Variants in RECK observed in about 807,000 individuals in gnomAD.
RECK encodes the protein reversion inducing cysteine rich protein with kazal motifs, also known as reversion-inducing cysteine-rich protein with Kazal motifs.
Under a neutral mutation model 115.1 loss-of-function variants are expected in RECK, and 69 were observed. The observed-to-expected ratio is 0.60, with a 90% CI of 0.49 to 0.73. The LOEUF (loss-of-function observed/expected upper bound fraction) is 0.73, where lower values mean the gene tolerates loss of function less well. RECK is among the 30% of genes least tolerant of loss of function. The pLI is 0.00. For missense variants in RECK, 1,047 were observed against 1,203.7 expected (o/e 0.87, Z 1.93); for synonymous variants, 414 against 419.7 (o/e 0.99, Z 0.17).
chr9:36,105,269 A>G lies in RECK; in HGVS notation c.1562A>G (p.Tyr521Cys). 1 of 1,614,028 alleles carries G rather than the reference A, an allele frequency of 6.2e-7. No individual in the cohort carries two copies. The highest frequency in any genetic ancestry group is 8.5e-7 in the Non-Finnish European group (1 of 1,179,942). Residue 521 changes from tyrosine (Y) to cysteine (C), a missense_variant, in exon 13 of 21, where the codon TAC becomes TGC. Coordinates refer to ENST00000377966, the MANE Select transcript of RECK (RefSeq NM_021111.3). ...CCATCTGGAGATCCCTGTCTTCCAT[A>G]CTTTTGTGTTCAAGGTAAGAGGTAG... ...GCPSGDPCLPYFCVQGCKLGE... is the reference protein window; with the variant it reads ...GCPSGDPCLPCFCVQGCKLGE...
At chr9:36,077,961 T>C (rs912160377) in intron 6 of RECK, among the ~76,000 whole-genome samples, 7 of 152,118 alleles carry the variant, frequency 4.6e-5, no homozygotes, top group Non-Finnish European at 8.8e-5. Flanking sequence ...TAGTCGCAGG[T>C]ACTTGGGAGG....
At chr9:36,051,219 A>G (rs1418532560) in intron 1 of RECK, among the ~76,000 whole-genome samples, 1 of 152,142 alleles carries the variant, frequency 6.6e-6, no homozygotes. Context: ...ACTTGGTTTT[A>G]TCCCCTTTGG....
intron 2 of RECK, among the ~76,000 whole-genome samples, chr9:36,053,456 C>T (rs1171943142): frequency 1.3e-5 from 2 of 152,134 alleles, no homozygotes; most frequent in East Asian, 1.9e-4. Context: ...TTGCAAGATA[C>T]GGTCTGATTA....
intron 14 of RECK, among the ~76,000 whole-genome samples, chr9:36,108,556 C>T (rs1823908619): frequency 6.6e-6 from 1 of 152,138 alleles, no homozygotes; most frequent in African/African-American, 2.4e-5. Flanking sequence ...AAGCTGGATT[C>T]TGCTCCAGGT....
At position 36,048,126 on chromosome 9, in the gene RECK, A is replaced by AATATATATATATATATATAC. The variant is rs1821140886; in HGVS notation, c.101-4120_101-4119insCATATATATATATATATATA. ...TACACACGCACAGACACACAGGTTG[A>AATATATATATATATATATAC]ATATATATATATATATATATATATA... On this transcript the variant is annotated intron_variant, in intron 1 of 20. Coordinates refer to ENST00000377966, the MANE Select transcript of RECK (RefSeq NM_021111.3). 6.9e-5 allele frequency among the ~76,000 whole-genome samples: 8 copies of AATATATATATATATATATAC among 115,376 alleles called. 1 individual carries two copies. Among genetic ancestry groups the AATATATATATATATATATAC allele is most frequent in the African/African-American group, 3.5e-4 (8 of 23,020 alleles). 75.7% of individuals were successfully genotyped at this position (115,376 alleles called of 152,430 possible).
rs968093877 is a variant in RECK at position 36,067,027 on chromosome 9, A to C, written c.405+1403A>C. The stretch of plus-strand genomic sequence containing the variant: ...TTTTATATTAAAAGTTGATCCCACA[A>C]ATTCTTCAATATAAGACTCAATTTG... On this transcript the variant is annotated intron_variant, in intron 6 of 20. Coordinates refer to ENST00000377966, the MANE Select transcript of RECK (RefSeq NM_021111.3). Among the ~76,000 whole-genome samples, 5 of 152,274 alleles carry C rather than the reference A, an allele frequency of 3.3e-5. No individual in the cohort carries two copies. The East Asian group carries it at 9.6e-4, about 29-fold the overall frequency.
intron 17 of RECK, 125 bp downstream of exon 17, chr9:36,117,302 C>A (rs1288357996): frequency 7.2e-6 from 5 of 696,772 alleles, no homozygotes; most frequent in Non-Finnish European, 4.6e-6. Flanking sequence ...TCTATAGCAC[C>A]CAGTCCTCCA....
At chr9:36,100,801 T>C (rs570233845) in intron 11 of RECK, among the ~76,000 whole-genome samples, 1 of 152,362 alleles carries the variant, frequency 6.6e-6, no homozygotes, top group South Asian at 2.1e-4. Flanking sequence ...AAGTAATTTA[T>C]CCTTACTACA....
intron 13 of RECK, 60 bp from the exon 14 acceptor site, chr9:36,107,916 T>C (rs1823885073): frequency 8.4e-7 from 1 of 1,184,374 alleles, no homozygotes; most frequent in Non-Finnish European, 1.2e-6. Context: ...GTATATCTAA[T>C]GTTATAAAAC....
intron 19 of RECK, 90 bp from the exon 20 acceptor site, chr9:36,121,443 G>A: frequency 7.9e-7 from 1 of 1,266,094 alleles, no homozygotes; most frequent in Non-Finnish European, 1.1e-6. Flanking sequence ...GGTCAAAAGA[G>A]CCTCCTCAGC....
chr9:36,079,056 C>T (rs147220464), intron 6 of RECK, among the ~76,000 whole-genome samples: 358 of 152,052 alleles, frequency 2.4e-3, no homozygotes, highest in African/African-American at 8.3e-3. Context: ...CCACCACGCC[C>T]GGCTAATTTT....
Position 36,102,494 on chromosome 9 carries a change from G to C in RECK, c.1435+264G>C, listed in dbSNP as rs545298738. 7.2e-5 allele frequency among the ~76,000 whole-genome samples: 11 copies of C among 152,140 alleles called. No homozygotes were observed. The East Asian group carries it at 1.9e-3, about 27-fold the overall frequency. ...AGGAATTCTAAGCAGTGACTCAGGGGGCCAGCATTCTCAGATAACCAGCTC... is the reference window on the plus strand; with the variant it reads ...AGGAATTCTAAGCAGTGACTCAGGGCGCCAGCATTCTCAGATAACCAGCTC... On this transcript the variant is annotated intron_variant, in intron 12 of 20. Transcript: ENST00000377966.
At position 36,037,090 on chromosome 9, in the gene RECK, G is replaced by A; in HGVS notation, c.92G>A (p.Gly31Asp). ...GAGGTGGCAGGGGGCCTGGCTCCGG[G>A]CAGTGCGGGTGAGTAACCTCCAGAG... Reference protein sequence around the residue: ...VAEVAGGLAPGSAGALCCNHS... With the variant: ...VAEVAGGLAPDSAGALCCNHS... Residue 31 changes from glycine to aspartate, a missense_variant, in exon 1 of 21, where the codon GGC (glycine) becomes GAC (aspartate). Gly to Asp is a moderately conservative substitution (Grantham distance 94). Transcript: ENST00000377966. 7.4e-7 allele frequency: 1 copy of A among 1,358,346 alleles called. No homozygotes were observed. The highest frequency in any genetic ancestry group is 9.5e-7 in the Non-Finnish European group (1 of 1,051,278). 84.1% of individuals were successfully genotyped at this position (1,358,346 alleles called of 1,614,324 possible).
intron 12 of RECK, among the ~76,000 whole-genome samples, chr9:36,102,816 C>T (rs1419929419): frequency 2.0e-5 from 3 of 152,004 alleles, no homozygotes; most frequent in Non-Finnish European, 2.9e-5. Context: ...ATCAGCCAGG[C>T]GTGGTGGCGG....
chr9:36,061,437 C>CACACACAG (rs1445280737), intron 4 of RECK, among the ~76,000 whole-genome samples: 1 of 149,998 alleles, frequency 6.7e-6, no homozygotes. Flanking sequence ...CACACACACA[C>CACACACAG]AGTTGCTAAC....
chr9:36,042,928 G>C (rs1263971230), intron 1 of RECK, among the ~76,000 whole-genome samples: 8 of 149,426 alleles, frequency 5.4e-5, no homozygotes, highest in Non-Finnish European at 1.0e-4. Context: ...CTGGTAATTA[G>C]TGATGTTGAG....
At chr9:36,112,122 C>CAAAAA (rs58460262) in intron 15 of RECK, among the ~76,000 whole-genome samples, 183 bp from the exon 16 acceptor site, 4 of 71,636 alleles carry the variant, frequency 5.6e-5, no homozygotes, top group Non-Finnish European at 7.8e-5. Flanking sequence ...GACTCCATCT[C>CAAAAA]AAAAAAAAAA....
intron 6 of RECK, among the ~76,000 whole-genome samples, chr9:36,069,107 C>A (rs1312574244): frequency 1.3e-5 from 2 of 151,894 alleles, no homozygotes. Context: ...ACAGAACTCA[C>A]CAGAAAACAT....
At chr9:36,082,068 C>T (rs1029708526) in intron 7 of RECK, among the ~76,000 whole-genome samples, 5 of 151,690 alleles carry the variant, frequency 3.3e-5, no homozygotes, top group Non-Finnish European at 7.4e-5. Context: ...AATCCCTGCT[C>T]ATGGGTCTTT....
Sources: allele counts gnomAD v4.1 joint callset (sites outside exome capture counted in the v4.1 genomes callset), GRCh38; gene constraint gnomAD v4.1.1; transcripts MANE v1.5; gene names NCBI Gene and HGNC (gene_info 2026-07-23, HGNC 2026-07-21).